Variants in WDR44 observed in about 807,000 individuals in gnomAD.
WDR44 encodes the protein WD repeat domain 44, also known as WD repeat-containing protein 44.
Under a neutral mutation model 65.7 loss-of-function variants are expected in WDR44, and 9 were observed. The observed-to-expected ratio is 0.14, with a 90% CI of 0.08 to 0.24. The LOEUF (loss-of-function observed/expected upper bound fraction) is 0.24. WDR44 is among the 10% of genes least tolerant of loss of function. The pLI is 1.00. For missense variants in WDR44, 425 were observed against 670.9 expected (o/e 0.63, Z 4.05); for synonymous variants, 220 against 235.2 (o/e 0.94, Z 0.59).
chrX:118,400,101 CAA>C (rs57505854), intron 8 of WDR44, among the ~76,000 whole-genome samples: 3 of 100,259 alleles, frequency 3.0e-5, no homozygotes, highest in East Asian at 3.1e-4. Context: ...CACCCCCCAC[CAA>C]AAAAAAAAAA....
chrX:118,375,599 G>C (rs1055347996), intron 1 of WDR44, among the ~76,000 whole-genome samples: 4 of 109,705 alleles, frequency 3.6e-5, no homozygotes, highest in Non-Finnish European at 7.6e-5. Flanking sequence ...TATTATTTAA[G>C]ATATCAATTT....
intron 1 of WDR44, among the ~76,000 whole-genome samples, chrX:118,366,824 G>T (rs1298552640): frequency 8.9e-6 from 1 of 112,236 alleles, no homozygotes; most frequent in Non-Finnish European, 1.9e-5. Context: ...TCGGCCGGGC[G>T]CAGTGGCTCA....
intron 9 of WDR44, among the ~76,000 whole-genome samples, chrX:118,405,979 T>TA (rs2056963173): frequency 9.1e-6 from 1 of 109,809 alleles, no homozygotes; most frequent in African/African-American, 3.3e-5. Context: ...CTGTCTCTAC[T>TA]AAAAAATAAA....
chrX:118,383,669 G>T (rs747975403), intron 2 of WDR44, among the ~76,000 whole-genome samples: 1 of 104,646 alleles, frequency 9.6e-6, no homozygotes, highest in Admixed American at 1.1e-4. Context: ...TGCGGACCCC[G>T]TTCTGCTGAG....
intron 13 of WDR44, among the ~76,000 whole-genome samples, chrX:118,434,829 A>G (rs1408482274): frequency 8.9e-6 from 1 of 112,241 alleles, no homozygotes; most frequent in Non-Finnish European, 1.9e-5. Flanking sequence ...TTTAATGTCT[A>G]TCACAGTGTT....
chrX:118,426,713 A>T (rs2057159824), intron 12 of WDR44, among the ~76,000 whole-genome samples: 1 of 111,408 alleles, frequency 9.0e-6, no homozygotes, highest in Non-Finnish European at 1.9e-5. Context: ...CTCAAAAAAA[A>T]AAAGAAAGAA....
At chrX:118,399,017 G>T (rs1192014305) in intron 8 of WDR44, among the ~76,000 whole-genome samples, 1 of 112,152 alleles carries the variant, frequency 8.9e-6, no homozygotes, top group Non-Finnish European at 1.9e-5. Flanking sequence ...AAAAGTGTTA[G>T]TAGAAGAACA....
intron 12 of WDR44, among the ~76,000 whole-genome samples, chrX:118,425,043 G>A (rs2057144050): frequency 9.0e-6 from 1 of 111,263 alleles, no homozygotes; most frequent in Non-Finnish European, 1.9e-5. Context: ...TACAAAGGAG[G>A]TAAGGAAATG....
intron 1 of WDR44, among the ~76,000 whole-genome samples, chrX:118,370,948 G>A (rs2056610491): frequency 9.1e-6 from 1 of 109,298 alleles, no homozygotes; most frequent in Admixed American, 9.9e-5. Context: ...AATGCAAATG[G>A]ACTAACACAC....
At chrX:118,442,778 T>C (rs1213122490) in intron 17 of WDR44, 98 bp downstream of exon 17, 4 of 658,328 alleles carry the variant, frequency 6.1e-6, no homozygotes, top group Non-Finnish European at 9.5e-6. Flanking sequence ...TGGGGTTCTT[T>C]TCACTTTTGC....
intron 12 of WDR44, among the ~76,000 whole-genome samples, chrX:118,429,989 C>T (rs1246702645): frequency 9.0e-6 from 1 of 110,760 alleles, no homozygotes; most frequent in African/African-American, 3.3e-5. Flanking sequence ...TCTAAGTGAC[C>T]AACAAAGGAA....
chrX:118,360,271 A>G (rs1248911289), intron 1 of WDR44, among the ~76,000 whole-genome samples: 1 of 112,532 alleles, frequency 8.9e-6, no homozygotes, highest in Admixed American at 9.4e-5. Flanking sequence ...ACAGTATTAC[A>G]TACCACATTT....
chrX:118,402,878 A>G (rs1341613748), intron 8 of WDR44, among the ~76,000 whole-genome samples: 1 of 112,614 alleles, frequency 8.9e-6, no homozygotes, highest in African/African-American at 3.2e-5. Context: ...GATTGCTATA[A>G]AAGAAAAGTT....
In WDR44 at chrX:118,449,652, A is replaced by C. The variant is rs1278818389; in HGVS notation, c.*665A>C. The C allele has an allele frequency of 1.8e-5, 2 of 110,333 alleles. No individual in the cohort carries two copies. The highest frequency in any genetic ancestry group is 3.8e-5 in the Non-Finnish European group (2 of 52,731). 9.1% of individuals were successfully genotyped at this position (110,333 alleles called of 1,213,427 possible). A position where few individuals can be genotyped will look rare whatever the true frequency, so the allele number is the denominator to read the frequency against. The stretch of plus-strand genomic sequence containing the variant: ...TGTTTCTATGTAAAGAATTATTTTC[A>C]TTCTTTATCCATGAGCACCAGGCTT... On this transcript the variant is annotated 3_prime_UTR_variant, in exon 20 of 20. Coordinates refer to ENST00000254029, the MANE Select transcript of WDR44 (RefSeq NM_019045.5).
intron 19 of WDR44, among the ~76,000 whole-genome samples, chrX:118,445,897 G>A (rs932410340): frequency 1.8e-5 from 2 of 110,239 alleles, no homozygotes; most frequent in African/African-American, 6.6e-5. Flanking sequence ...GGGCGTGGTA[G>A]TGCACGCCTG....
In WDR44 at chrX:118,438,797, G is replaced by GTTTTTTTGTTTT. The variant is rs1431508948; in HGVS notation, c.1974+1980_1974+1981insGTTTTTTTTTTT. Among the ~76,000 whole-genome samples the GTTTTTTTGTTTT allele has an allele frequency of 6.1e-4, 39 of 64,040 alleles. 2 individuals are homozygous for GTTTTTTTGTTTT. The highest frequency in any genetic ancestry group is 2.0e-3 in the African/African-American group (36 of 17,637). The allele number at this position is 64,040 out of a possible 115,157, so 55.6% of individuals were successfully genotyped here. The stretch of plus-strand genomic sequence containing the variant: ...TTTATTAAACTTTCTGTTCAGCCAT[G>GTTTTTTTGTTTT]TTTTTTTTTTTTTTTTTTTTTGAAG... On this transcript the variant is annotated intron_variant, in intron 14 of 19. Transcript: ENST00000254029.
At chrX:118,387,111 A>AGCAGAGGTT (rs1569365432) in intron 2 of WDR44, among the ~76,000 whole-genome samples, 1 of 104,632 alleles carries the variant, frequency 9.6e-6, no homozygotes, top group African/African-American at 3.5e-5. Context: ...GAACCCGGGA[A>AGCAGAGGTT]GCAGAGGTTG....
chrX:118,393,978 G>A, intron 4 of WDR44, 77 bp from the exon 5 acceptor site: 5 of 950,068 alleles, frequency 5.3e-6, no homozygotes, highest in East Asian at 3.3e-5. Context: ...GAGTAATCAA[G>A]CCACTTTCCT....
In WDR44 at chrX:118,441,539, T is replaced by C. The variant is rs779239726; in HGVS notation, c.2146T>C (p.Cys716Arg). The C allele has an allele frequency of 8.3e-7, 1 of 1,205,995 alleles. No homozygotes were observed. Among genetic ancestry groups the C allele is most frequent in the African/African-American group, 1.7e-5 (1 of 57,254 alleles). The change falls in exon 15 of 20, where the codon TGT becomes CGT. Residue 716 changes from cysteine (C) to arginine (R), a missense_variant. Physicochemically the swap from Cys to Arg is radical, Grantham distance 180 (BLOSUM62 -3). Coordinates refer to ENST00000254029, the MANE Select transcript of WDR44 (RefSeq NM_019045.5). ...AGTGATTGGGACATATGATGGCAGA[T>C]GTATTTTCTATGATACAGAGGTAAA... ...YAVIGTYDGR[C>R]IFYDTEHLKY...
Sources: gnomAD v4.1 joint callset for allele counts (sites outside exome capture counted in the v4.1 genomes callset) on GRCh38, gnomAD v4.1.1 for gene constraint, MANE v1.5 for transcripts, NCBI Gene and HGNC (gene_info 2026-07-23, HGNC 2026-07-21) for gene names.